SYPL1: variants seen among roughly 807,000 people sequenced by gnomAD.
SYPL1 encodes synaptophysin-like protein 1.
SYPL1 carries 6 observed loss-of-function variants against 23.7 expected under a neutral mutation model. The observed-to-expected ratio is 0.25, with a 90% CI of 0.14 to 0.50. The LOEUF (loss-of-function observed/expected upper bound fraction) is 0.50, where lower values mean the gene tolerates loss of function less well. Ranked by LOEUF, SYPL1 falls within the 20% of genes least tolerant of loss-of-function variation. SYPL1 has a pLI of 0.98. For missense variants in SYPL1, 253 were observed against 288.9 expected (o/e 0.88, Z 0.90); for synonymous variants, 102 against 104.5 (o/e 0.98, Z 0.15).
rs1563337966 is a variant in SYPL1 at position 106,091,911 on chromosome 7, C to G, written c.620G>C (p.Trp207Ser). Residue 207 changes from tryptophan (W) to serine (S), a missense_variant, in exon 5 of 5, where the codon TGG becomes TCG. Transcript: ENST00000455385. The surrounding 1 kb of genome is among the most constrained non-coding windows in gnomAD (Gnocchi z 5.0). ...GTACACAAACCAAGCATTTCCTCCC[C>G]AGAGTATCATATTTAGAAAGCCAAA... The part of the protein sequence containing the change: ...VIFGFLNMIL[W>S]GGNAWFVYKE... The G allele has an allele frequency of 6.2e-7, 1 of 1,612,832 alleles. No individual in the cohort carries two copies. The highest frequency in any genetic ancestry group is 8.5e-7 in the Non-Finnish European group (1 of 1,179,582).
intron 1 of SYPL1, among the ~76,000 whole-genome samples, chr7:106,103,752 A>G (rs1840443796): frequency 6.6e-6 from 1 of 151,884 alleles, no homozygotes; most frequent in Non-Finnish European, 1.5e-5. Flanking sequence ...AACACTGAAA[A>G]TTACTATGTG....
chr7:106,111,131 T>C (rs1585946242), intron 1 of SYPL1, among the ~76,000 whole-genome samples: 1 of 152,220 alleles, frequency 6.6e-6, no homozygotes, highest in African/African-American at 2.4e-5. Flanking sequence ...ATGGTCCAAG[T>C]AGGAAATCAC....
intron 3 of SYPL1, among the ~76,000 whole-genome samples, chr7:106,094,869 A>G (rs925324048): frequency 2.0e-5 from 3 of 152,116 alleles, no homozygotes; most frequent in Admixed American, 1.3e-4. Flanking sequence ...TCTGAAAATG[A>G]TGCACAAAGT....
At chr7:106,092,545 T>C (rs1180559103) in intron 4 of SYPL1, 2 of 309,674 alleles carry the variant, frequency 6.5e-6, no homozygotes, top group South Asian at 5.1e-5. Context: ...TGGTGGCACA[T>C]GCCTGTAATC....
rs1386887455 is a variant in SYPL1, at chr7:106,112,157, T to C, written c.52A>G (p.Ile18Val). The C allele has an allele frequency of 1.3e-6, 2 of 1,538,686 alleles. No individual in the cohort carries two copies. Among genetic ancestry groups the C allele is most frequent in the East Asian group, 5.1e-5 (2 of 39,450 alleles). Residue 18 changes from isoleucine (I) to valine (V), a missense_variant, in exon 1 of 5, where the codon ATC (isoleucine) becomes GTC (valine). Ile to Val is a conservative substitution (Grantham distance 29, BLOSUM62 3). Coordinates refer to ENST00000455385, the MANE Select transcript of SYPL1 (RefSeq NM_182715.4). ...LNPLKEPLGF[I>V]KVLEWIASIF... ...GCACTCACCCACTCGAGGACCTTGATGAAGCCGAGTGGCTCCTTGAGCGGG... is the reference window on the plus strand; with the variant it reads ...GCACTCACCCACTCGAGGACCTTGACGAAGCCGAGTGGCTCCTTGAGCGGG...
chr7:106,095,962 T>A lies in SYPL1; in HGVS notation c.402+1728A>T, dbSNP rs1180994198. Among the ~76,000 whole-genome samples the A allele has an allele frequency of 6.6e-6, 1 of 152,180 alleles. No homozygotes were observed. The highest frequency in any genetic ancestry group is 1.5e-5 in the Non-Finnish European group (1 of 68,020). On this transcript the variant is annotated intron_variant, in intron 3 of 4. Coordinates refer to ENST00000455385, the MANE Select transcript of SYPL1 (RefSeq NM_182715.4). This position sits in a 1 kb window ranked among gnomAD's most constrained non-coding sequence, Gnocchi z 4.3. Reference sequence around the variant, plus strand: ...TTTTAAAAGTTTACTAGACAAAATATGAGAAATAAAGGGCACACTGATAGA... The same window carrying A: ...TTTTAAAAGTTTACTAGACAAAATAAGAGAAATAAAGGGCACACTGATAGA...
intron 1 of SYPL1, among the ~76,000 whole-genome samples, chr7:106,107,641 G>A (rs997973278): frequency 6.6e-6 from 1 of 151,026 alleles, no homozygotes; most frequent in Admixed American, 6.6e-5. Context: ...ACTTGGGAGG[G>A]TGAGGCAGGA....
rs1021420330 is a variant in SYPL1, at chr7:106,100,406, T to A, written c.70-1124A>T. 6.6e-6 allele frequency among the ~76,000 whole-genome samples: 1 copy of A among 152,198 alleles called. No individual in the cohort carries two copies. Among genetic ancestry groups the A allele is most frequent in the African/African-American group, 2.4e-5 (1 of 41,452 alleles). ...TGTTGGAGATTAACAACATAGAAAG[T>A]GTTCATTACATACAAAGTAGATTTA... On this transcript the variant is annotated intron_variant, in intron 1 of 4. Coordinates refer to ENST00000455385, the MANE Select transcript of SYPL1 (RefSeq NM_182715.4). The surrounding 1 kb of genome is among the most constrained non-coding windows in gnomAD (Gnocchi z 5.1).
chr7:106,097,407 C>T lies in SYPL1; in HGVS notation c.402+283G>A, dbSNP rs1840067419. On this transcript the variant is annotated intron_variant, in intron 3 of 4. Transcript: ENST00000455385. The surrounding 1 kb of genome is among the most constrained non-coding windows in gnomAD (Gnocchi z 4.6). ...GTAATTCTTCAAATTAAAAGAATTT[C>T]GACTTAATTTTTTTGCTATTTGTAA... is the stretch of plus-strand genomic sequence containing the variant. Among the ~76,000 whole-genome samples the T allele has an allele frequency of 1.3e-5, 2 of 151,930 alleles. No homozygotes were observed. Among genetic ancestry groups the T allele is most frequent in the South Asian group, 4.1e-4 (2 of 4,822 alleles).
intron 2 of SYPL1, among the ~76,000 whole-genome samples, chr7:106,098,453 G>C (rs1049034267): frequency 1.3e-5 from 2 of 152,140 alleles, no homozygotes; most frequent in African/African-American, 4.8e-5. Flanking sequence ...CTTATTATCT[G>C]ACTTATCTTT....
chr7:106,106,140 A>G (rs1840584928), intron 1 of SYPL1, among the ~76,000 whole-genome samples: 1 of 152,242 alleles, frequency 6.6e-6, no homozygotes, highest in Non-Finnish European at 1.5e-5. Context: ...CAAAATTTGC[A>G]CTGAGTATAT....
intron 1 of SYPL1, among the ~76,000 whole-genome samples, chr7:106,107,624 C>A (rs1255477554): frequency 6.6e-6 from 1 of 151,774 alleles, no homozygotes; most frequent in Non-Finnish European, 1.5e-5. Context: ...CGCCTGTAGT[C>A]CCAGCTACTT....
At chr7:106,111,262 A>C (rs1790129419) in intron 1 of SYPL1, among the ~76,000 whole-genome samples, 1 of 152,198 alleles carries the variant, frequency 6.6e-6, no homozygotes, top group Admixed American at 6.5e-5. Context: ...ACTAAGGAAA[A>C]GGGCGAAAAA....
rs376663730 is a variant in SYPL1 at position 106,112,258 on chromosome 7, G to C, written c.-50C>G. ...AGTCAGGACGACGGGGCGGAGGAGG[G>C]GACCGACGAGACCAGAGCAGCCCGG... On this transcript the variant is annotated 5_prime_UTR_variant, in exon 1 of 5. Transcript: ENST00000455385. 3 of 1,512,098 alleles carry C rather than the reference G, an allele frequency of 2.0e-6. No homozygotes were observed. Among genetic ancestry groups the C allele is most frequent in the Non-Finnish European group, 2.7e-6 (3 of 1,120,120 alleles). 93.7% of individuals were successfully genotyped at this position (1,512,098 alleles called of 1,614,324 possible).
intron 1 of SYPL1, among the ~76,000 whole-genome samples, 162 bp from the exon 2 acceptor site, chr7:106,099,444 T>A (rs1299351091): frequency 1.3e-5 from 2 of 152,066 alleles, no homozygotes; most frequent in African/African-American, 4.8e-5. Context: ...CAGACTGGAG[T>A]ACACTGGCAC....
chr7:106,092,312 T>C (rs1490196641), intron 4 of SYPL1, among the ~76,000 whole-genome samples: 1 of 152,112 alleles, frequency 6.6e-6, no homozygotes, highest in Non-Finnish European at 1.5e-5. Flanking sequence ...AATCCAACAG[T>C]TGTAGCCACA....
At chr7:106,112,542 G>A (rs372856747), upstream of SYPL1, 214 of 1,506,630 alleles carry the variant, frequency 1.4e-4, no homozygotes, top group Middle Eastern at 3.5e-4. Flanking sequence ...TGCGTGCGCC[G>A]CGCCCCCTTC....
At chr7:106,107,300 T>C (rs1840655108) in intron 1 of SYPL1, among the ~76,000 whole-genome samples, 1 of 152,194 alleles carries the variant, frequency 6.6e-6, no homozygotes, top group South Asian at 2.1e-4. Context: ...AAAAGTATTG[T>C]TTTTGATGGT....
At chr7:106,098,211 C>A (rs574754817) in intron 2 of SYPL1, among the ~76,000 whole-genome samples, 1 of 152,306 alleles carries the variant, frequency 6.6e-6, no homozygotes, top group African/African-American at 2.4e-5. Context: ...TTTGAGACAT[C>A]ATATTTCATT....
Sources: allele counts gnomAD v4.1 joint callset (sites outside exome capture counted in the v4.1 genomes callset), GRCh38; gene constraint gnomAD v4.1.1; non-coding constraint Gnocchi (gnomAD v3.1); transcripts MANE v1.5; gene names NCBI Gene and HGNC (gene_info 2026-07-23, HGNC 2026-07-21).